Variants in ZFHX3 observed in about 807,000 individuals in gnomAD.
ZFHX3 encodes zinc finger homeobox protein 3.
Under a neutral mutation model 279.1 loss-of-function variants are expected in ZFHX3, and 42 were observed. The observed-to-expected ratio is 0.15, with a 90% CI of 0.12 to 0.19. ZFHX3 has a LOEUF of 0.19. Among genes scored for constraint, ZFHX3 ranks in the 10% least tolerant of loss-of-function variants. ZFHX3 has a pLI of 1.00. For missense variants in ZFHX3, 4,981 were observed against 4,754.0 expected (o/e 1.05, Z -1.40); for synonymous variants, 2,293 against 1,957.8 (o/e 1.17, Z -4.52).
intron 2 of ZFHX3, among the ~76,000 whole-genome samples, chr16:73,522,645 A>G (rs2019626710): frequency 6.6e-6 from 1 of 152,204 alleles, no homozygotes; most frequent in Admixed American, 6.5e-5. Context: ...AGGGATCCTG[A>G]GGACAGGGTG....
intron 3 of ZFHX3, among the ~76,000 whole-genome samples, chr16:72,926,542 T>C (rs1959456802): frequency 1.3e-5 from 2 of 152,316 alleles, no homozygotes; most frequent in South Asian, 2.1e-4. Flanking sequence ...TCAACATGAA[T>C]TGGGGTTCCT....
At chr16:73,344,145 T>G (rs766289636) in intron 3 of ZFHX3, among the ~76,000 whole-genome samples, 1 of 152,162 alleles carries the variant, frequency 6.6e-6, no homozygotes, top group Non-Finnish European at 1.5e-5. Context: ...ACCTGGCACA[T>G]AGCACCTCAG....
intron 7 of ZFHX3, among the ~76,000 whole-genome samples, chr16:73,105,929 A>ACCCCCCCCCCCCCCC (rs34679627): frequency 9.0e-5 from 10 of 110,914 alleles, no homozygotes; most frequent in African/African-American, 2.4e-4. Context: ...ATGTACACGG[A>ACCCCCCCCCCCCCCC]CCCCCTCCCC....
chr16:72,979,214 G>A (rs1053419675), intron 1 of ZFHX3, among the ~76,000 whole-genome samples: 5 of 152,192 alleles, frequency 3.3e-5, no homozygotes, highest in African/African-American at 9.6e-5. Flanking sequence ...CAACAACAGC[G>A]CTCCTGTGTC....
chr16:73,349,142 TCTTCCTGCTACCTCTAGA>T (rs745737343), intron 3 of ZFHX3, among the ~76,000 whole-genome samples: 3 of 151,584 alleles, frequency 2.0e-5, no homozygotes, highest in South Asian at 2.1e-4. Context: ...ATCTCTTGTG[TCTTCCTGCTACCTCTAGA>T]CTTTTGTTCT....
intron 2 of ZFHX3, among the ~76,000 whole-genome samples, chr16:73,639,537 G>C (rs2052555985): frequency 6.6e-6 from 1 of 152,044 alleles, no homozygotes; most frequent in Non-Finnish European, 1.5e-5. Flanking sequence ...ACAGAAACAT[G>C]CCACCTTACT....
chr16:73,089,486 G>T (rs935073387), intron 8 of ZFHX3, among the ~76,000 whole-genome samples: 2 of 152,190 alleles, frequency 1.3e-5, no homozygotes, highest in African/African-American at 4.8e-5. Context: ...ACAGCACAGA[G>T]CTGGGCCACC....
At chr16:72,883,006 G>T (rs2038529656) in intron 4 of ZFHX3, among the ~76,000 whole-genome samples, 1 of 141,416 alleles carries the variant, frequency 7.1e-6, no homozygotes, top group East Asian at 2.1e-4. Flanking sequence ...GTGTGTGTGT[G>T]TGTGTGTGTG....
intron 7 of ZFHX3, among the ~76,000 whole-genome samples, chr16:73,130,627 G>T (rs1166387838): frequency 3.9e-5 from 6 of 152,218 alleles, no homozygotes; most frequent in Non-Finnish European, 2.9e-5. Context: ...TTGTTTTTAA[G>T]ATGGAGTCTT....
chr16:73,004,722 G>A (rs1044720322), intron 1 of ZFHX3, among the ~76,000 whole-genome samples: 5 of 152,080 alleles, frequency 3.3e-5, no homozygotes, highest in Non-Finnish European at 5.9e-5. Context: ...AAAATTTTGT[G>A]ATTAGTGACC....
At chr16:73,848,440 C>G (rs1342634561) in intron 1 of ZFHX3, among the ~76,000 whole-genome samples, 2 of 152,184 alleles carry the variant, frequency 1.3e-5, no homozygotes, top group South Asian at 4.1e-4. Flanking sequence ...GTGCTTCCCA[C>G]AGCCTGGCCC....
At chr16:73,436,630 C>T (rs6564203) in intron 3 of ZFHX3, among the ~76,000 whole-genome samples, 85,012 of 151,938 alleles carry the variant, frequency 0.56, 27,375 homozygotes, top group Non-Finnish European at 0.73. Flanking sequence ...AGCTACCCAC[C>T]CACTGCCACT....
intron 5 of ZFHX3, among the ~76,000 whole-genome samples, chr16:72,814,379 A>G (rs1049497293): frequency 6.6e-6 from 1 of 152,160 alleles, no homozygotes; most frequent in Non-Finnish European, 1.5e-5. Context: ...CACTTGCTCA[A>G]TAGTGTGGAT....
intron 2 of ZFHX3, among the ~76,000 whole-genome samples, chr16:73,636,322 G>A (rs370507012): frequency 5.3e-5 from 8 of 152,134 alleles, no homozygotes; most frequent in East Asian, 3.9e-4. Flanking sequence ...CTGTAATGAT[G>A]AAACCCTGGC....
rs577526122 is a variant in ZFHX3 at position 73,673,530 on chromosome 16, C to T, written c.-1547+6650G>A. On this transcript the variant is annotated intron_variant, in intron 2 of 17. Transcript: ENST00000641206. ...GATTCCTTGGGCTCTCACAGTCTGC[C>T]ACCCGAGATAAAAAAGCTAGCAGCT... 7.9e-5 allele frequency among the ~76,000 whole-genome samples: 12 copies of T among 152,104 alleles called. No individual in the cohort carries two copies. The South Asian group carries it at 2.3e-3, about 29-fold the overall frequency.
At chr16:73,564,582 C>A (rs1458239379) in intron 2 of ZFHX3, among the ~76,000 whole-genome samples, 1 of 152,170 alleles carries the variant, frequency 6.6e-6, no homozygotes, top group African/African-American at 2.4e-5. Flanking sequence ...ATCCCTACCC[C>A]AGCCAGAGCA....
intron 2 of ZFHX3, among the ~76,000 whole-genome samples, chr16:73,480,705 T>C (rs1160635511): frequency 6.6e-6 from 1 of 152,160 alleles, no homozygotes; most frequent in Non-Finnish European, 1.5e-5. Context: ...TCTCCAATCT[T>C]ACAGGGACCC....
chr16:72,815,401 G>T, intron 5 of ZFHX3, among the ~76,000 whole-genome samples: 1 of 139,696 alleles, frequency 7.2e-6, no homozygotes, highest in Admixed American at 7.8e-5. Context: ...GAGTGAGACT[G>T]TCTCAAAAAA....
intron 2 of ZFHX3, among the ~76,000 whole-genome samples, chr16:73,559,617 G>A (rs1376130306): frequency 1.3e-5 from 2 of 152,188 alleles, no homozygotes. Flanking sequence ...CACTGTCTCT[G>A]ATGGGTATCT....
Sources: gnomAD v4.1 joint callset for allele counts (sites outside exome capture counted in the v4.1 genomes callset) on GRCh38, gnomAD v4.1.1 for gene constraint, MANE v1.5 for transcripts, NCBI Gene and HGNC (gene_info 2026-07-23, HGNC 2026-07-21) for gene names.